SLC12A2: variants seen among roughly 807,000 people sequenced by gnomAD.
SLC12A2 encodes solute carrier family 12 member 2.
In SLC12A2, 67 loss-of-function variants were observed where a neutral mutation model predicts 136.3. That is an observed-to-expected ratio of 0.49 (90% CI 0.40 to 0.60). The LOEUF (loss-of-function observed/expected upper bound fraction) is 0.60. Among genes scored for constraint, SLC12A2 ranks in the 20% least tolerant of loss-of-function variants. SLC12A2 has a pLI of 0.00. For synonymous variants in SLC12A2, 619 were observed against 562.9 expected (o/e 1.10, Z -1.41); for missense variants, 1,322 against 1,534.7 (o/e 0.86, Z 2.32).
intron 7 of SLC12A2, 43 bp from the exon 8 acceptor site, chr5:128,138,554 A>C: frequency 6.4e-7 from 1 of 1,568,992 alleles, no homozygotes. Context: ...TTATAGTCTA[A>C]TTTGCTCTCC....
intron 18 of SLC12A2, chr5:128,170,794 T>C (rs751774966): frequency 1.3e-5 from 2 of 152,124 alleles, no homozygotes; most frequent in African/African-American, 2.4e-5. Flanking sequence ...TCTGTGTGTA[T>C]AGGATGCTCT....
intron 1 of SLC12A2, among the ~76,000 whole-genome samples, chr5:128,098,485 T>TG (rs397717910): frequency 2.0e-5 from 3 of 151,098 alleles, no homozygotes; most frequent in Non-Finnish European, 4.4e-5. Flanking sequence ...TTGTTTTTTT[T>TG]GTTTTTTTTG....
intron 18 of SLC12A2, chr5:128,168,096 A>C (rs1474906659): frequency 2.8e-6 from 1 of 351,878 alleles, no homozygotes; most frequent in Non-Finnish European, 5.0e-6. Flanking sequence ...ATACACACAC[A>C]CACACATATA....
intron 17 of SLC12A2, among the ~76,000 whole-genome samples, chr5:128,164,882 C>G (rs1484290624): frequency 6.9e-6 from 1 of 145,468 alleles, no homozygotes; most frequent in Non-Finnish European, 1.5e-5. Context: ...GAATCTCACT[C>G]TGTCTCCCAG....
chr5:128,183,835 C>G (rs1369090816), intron 24 of SLC12A2, among the ~76,000 whole-genome samples: 1 of 151,856 alleles, frequency 6.6e-6, no homozygotes, highest in Non-Finnish European at 1.5e-5. Context: ...TTTATTTAGG[C>G]TGAGAGAAAA....
intron 1 of SLC12A2, chr5:128,109,561 G>T: frequency 1.4e-6 from 1 of 696,162 alleles, no homozygotes; most frequent in South Asian, 1.5e-5. Context: ...AAAGGCAGCT[G>T]AGTCCGGAGA....
chr5:128,166,758 A>C (rs1487550171), intron 17 of SLC12A2, among the ~76,000 whole-genome samples: 1 of 152,110 alleles, frequency 6.6e-6, no homozygotes, highest in Non-Finnish European at 1.5e-5. Context: ...CATTGTGAAT[A>C]TAATTAATAC....
At chr5:128,112,741 G>C (rs1188741605) in intron 1 of SLC12A2, 73 bp from the exon 2 acceptor site, 3 of 1,170,222 alleles carry the variant, frequency 2.6e-6, no homozygotes, top group Non-Finnish European at 3.7e-6. Flanking sequence ...GATGTATTTA[G>C]TTATGTTTGT....
At chr5:128,151,753 C>G (rs187208161) in intron 14 of SLC12A2, among the ~76,000 whole-genome samples, 1 of 152,150 alleles carries the variant, frequency 6.6e-6, no homozygotes, top group Non-Finnish European at 1.5e-5. Flanking sequence ...ACTGTAGTAG[C>G]TGTATAGCCT....
At chr5:128,100,101 C>CATGA (rs2126651488) in intron 1 of SLC12A2, among the ~76,000 whole-genome samples, 1 of 152,240 alleles carries the variant, frequency 6.6e-6, no homozygotes, top group Non-Finnish European at 1.5e-5. Flanking sequence ...TCACCACAAA[C>CATGA]TCATGAGAAA....
rs1763950360 is a variant in SLC12A2 at position 128,188,808 on chromosome 5, G to A, written c.*2177G>A. ...CCATTGCAGGTTTTGCAATGTTTGG[G>A]GGTAAAGACAGTAGAAATATTATTC... On this transcript the variant is annotated 3_prime_UTR_variant, in exon 27 of 27. Transcript: ENST00000262461. 1 of 152,194 alleles carries A rather than the reference G, an allele frequency of 6.6e-6. No individual in the cohort carries two copies. Among genetic ancestry groups the A allele is most frequent in the African/African-American group, 2.4e-5 (1 of 41,312 alleles). The allele number at this position is 152,194 out of a possible 1,614,324, so 9.4% of individuals were successfully genotyped here.
intron 9 of SLC12A2, among the ~76,000 whole-genome samples, chr5:128,140,985 C>T (rs889754996): frequency 6.6e-6 from 1 of 152,014 alleles, no homozygotes; most frequent in Non-Finnish European, 1.5e-5. Context: ...ATTTTTACCT[C>T]AATATATGAT....
At chr5:128,129,133 AAAGAC>A (rs1481606121) in intron 4 of SLC12A2, among the ~76,000 whole-genome samples, 1 of 152,066 alleles carries the variant, frequency 6.6e-6, no homozygotes, top group Admixed American at 6.5e-5. Context: ...GTCAACTACT[AAAGAC>A]AAGAGTGTTG....
At chr5:128,184,591 G>A in intron 25 of SLC12A2, 90 bp downstream of exon 25, 2 of 1,309,310 alleles carry the variant, frequency 1.5e-6, no homozygotes, top group Non-Finnish European at 2.1e-6. Flanking sequence ...AGGGTCAGTT[G>A]TATAAATGAA....
chr5:128,148,944 TA>T, intron 12 of SLC12A2, 67 bp downstream of exon 12: 2 of 1,289,548 alleles, frequency 1.6e-6, no homozygotes, highest in South Asian at 3.1e-5. Context: ...GTTGAATTAT[TA>T]AATTATTAAC....
chr5:128,090,834 C>T (rs1287028669), intron 1 of SLC12A2, among the ~76,000 whole-genome samples: 1 of 152,000 alleles, frequency 6.6e-6, no homozygotes, highest in Admixed American at 6.6e-5. Flanking sequence ...TCAGCAAGAC[C>T]GAATTGATGA....
At chr5:128,105,902 TCA>T (rs1268440985) in intron 1 of SLC12A2, among the ~76,000 whole-genome samples, 1 of 152,140 alleles carries the variant, frequency 6.6e-6, no homozygotes, top group Non-Finnish European at 1.5e-5. Flanking sequence ...TAAGTTCCAG[TCA>T]CACATTTTTT....
intron 5 of SLC12A2, among the ~76,000 whole-genome samples, chr5:128,131,766 G>A (rs1762031634): frequency 6.6e-6 from 1 of 152,160 alleles, no homozygotes; most frequent in Non-Finnish European, 1.5e-5. Context: ...AGTACTATGG[G>A]AGGCAGAGTT....
intron 15 of SLC12A2, among the ~76,000 whole-genome samples, chr5:128,155,772 T>G (rs1762853296): frequency 6.6e-6 from 1 of 152,170 alleles, no homozygotes; most frequent in Non-Finnish European, 1.5e-5. Context: ...TAATGTAGAT[T>G]AATGTGGCTT....
Sources: gnomAD v4.1 joint callset for allele counts (sites outside exome capture counted in the v4.1 genomes callset) on GRCh38, gnomAD v4.1.1 for gene constraint, MANE v1.5 for transcripts, NCBI Gene and HGNC (gene_info 2026-07-23, HGNC 2026-07-21) for gene names.